DAW1: variants seen among roughly 807,000 people sequenced by gnomAD.
DAW1 encodes the protein dynein assembly factor with WD repeat domains 1.
A neutral mutation model predicts 56.5 loss-of-function variants in DAW1; 47 were observed. That is an observed-to-expected ratio of 0.83 (90% CI 0.66 to 1.06). The LOEUF (loss-of-function observed/expected upper bound fraction) is 1.06, where lower values mean the gene tolerates loss of function less well. Ranked by LOEUF, DAW1 falls within the 50% of genes least tolerant of loss-of-function variation. The pLI, the probability that DAW1 is intolerant of heterozygous loss-of-function variation, is 0.00. For missense variants in DAW1, 505 were observed against 499.3 expected (o/e 1.01, Z -0.11); for synonymous variants, 190 against 179.0 (o/e 1.06, Z -0.49).
At chr2:227,913,402 CTG>C (rs1171303901) in intron 10 of DAW1, among the ~76,000 whole-genome samples, 1 of 152,156 alleles carries the variant, frequency 6.6e-6, no homozygotes, top group East Asian at 1.9e-4. Flanking sequence ...TGACATTATA[CTG>C]TGTGTTTCAT....
intron 8 of DAW1, 77 bp from the exon 9 acceptor site, chr2:227,906,159 G>A (rs1415760684): frequency 9.1e-7 from 1 of 1,103,684 alleles, no homozygotes; most frequent in Non-Finnish European, 1.3e-6. Flanking sequence ...TTACACAGAT[G>A]GGCTTGGCCT....
At position 227,908,611 on chromosome 2, in the gene DAW1, A is replaced by G. The variant is rs139563190; in HGVS notation, c.973+1359A>G. Among the ~76,000 whole-genome samples the G allele has an allele frequency of 6.4e-4, 98 of 152,260 alleles. 1 individual carries two copies. Among genetic ancestry groups the G allele is most frequent in the African/African-American group, 2.1e-3 (88 of 41,530 alleles). On this transcript the variant is annotated intron_variant, in intron 10 of 12. Transcript: ENST00000309931. ...TTCCCTGGCAAGTATTTATGATGCTACTCTATGTCTGCAGCATATTCCTGA... is the reference window on the plus strand; with the variant it reads ...TTCCCTGGCAAGTATTTATGATGCTGCTCTATGTCTGCAGCATATTCCTGA...
At chr2:227,906,527 T>C (rs770569663) in intron 9 of DAW1, among the ~76,000 whole-genome samples, 189 bp downstream of exon 9, 5 of 152,218 alleles carry the variant, frequency 3.3e-5, no homozygotes, top group Non-Finnish European at 5.9e-5. Context: ...TGTGATGTAG[T>C]AAAGCAATTT....
rs185394330 is a variant in DAW1 at position 227,911,427 on chromosome 2, A to G, written c.973+4175A>G. Among the ~76,000 whole-genome samples, 34 of 150,296 alleles carry G rather than the reference A, an allele frequency of 2.3e-4. No homozygotes were observed. In the East Asian group the frequency reaches 3.1e-3, roughly 14 times the overall value. On this transcript the variant is annotated intron_variant, in intron 10 of 12. Transcript: ENST00000309931. ...AGATATTGTGAATTAGGACTTCAAC[A>G]TATGAATTTTAAAAGGACACAATTC...
chr2:227,917,281 G>A (rs1187836908), intron 10 of DAW1, among the ~76,000 whole-genome samples: 1 of 141,564 alleles, frequency 7.1e-6, no homozygotes, highest in Non-Finnish European at 1.5e-5. Flanking sequence ...TTTTTTTTTA[G>A]ATGGAGTCTT....
intron 11 of DAW1, among the ~76,000 whole-genome samples, chr2:227,920,899 G>C (rs148551649): frequency 2.0e-5 from 3 of 152,062 alleles, no homozygotes; most frequent in Non-Finnish European, 4.4e-5. Flanking sequence ...AGGCGGTCTT[G>C]AACTCCTGAC....
At chr2:227,897,212 A>C (rs1344515724) in intron 5 of DAW1, among the ~76,000 whole-genome samples, 2 of 151,846 alleles carry the variant, frequency 1.3e-5, no homozygotes, top group Non-Finnish European at 2.9e-5. Flanking sequence ...TAGGTCAGAC[A>C]CTCTGTTAGG....
At chr2:227,873,189 A>G (rs1016905665) in intron 1 of DAW1, among the ~76,000 whole-genome samples, 1 of 152,162 alleles carries the variant, frequency 6.6e-6, no homozygotes, top group Non-Finnish European at 1.5e-5. Context: ...GTTTCAATCA[A>G]TGTCAACCAC....
chr2:227,877,892 C>A (rs1690917720), intron 1 of DAW1, among the ~76,000 whole-genome samples: 1 of 152,204 alleles, frequency 6.6e-6, no homozygotes, highest in Admixed American at 6.5e-5. Flanking sequence ...TCGGGGGACC[C>A]CTGGCCTAGA....
In DAW1 at chr2:227,918,785, G is replaced by T. The variant is rs1257848643; in HGVS notation, c.979G>T (p.Ala327Ser). 6.2e-7 allele frequency: 1 copy of T among 1,613,878 alleles called. No homozygotes were observed. Among genetic ancestry groups the T allele is most frequent in the African/African-American group, 1.3e-5 (1 of 74,856 alleles). Residue 327 changes from alanine (A) to serine (S), a missense_variant, in exon 11 of 13, where the codon GCA (alanine) becomes TCA (serine). Transcript: ENST00000309931. ...LIATASADGT[A>S]RIFSAATRKC... ...TCCCCACCCCTCTCAAAAAGGAACA[G>T]CAAGAATTTTCAGTGCTGCCACAAG...
chr2:227,919,401 G>A (rs1306131608), intron 11 of DAW1, among the ~76,000 whole-genome samples: 2 of 151,934 alleles, frequency 1.3e-5, no homozygotes, highest in Admixed American at 1.3e-4. Context: ...AACAGCATTC[G>A]CCTCCACTGT....
At chr2:227,920,242 G>T (rs1003193813) in intron 11 of DAW1, among the ~76,000 whole-genome samples, 1 of 152,162 alleles carries the variant, frequency 6.6e-6, no homozygotes, top group African/African-American at 2.4e-5. Context: ...TTGGCATCTG[G>T]TAAGGGCATT....
In DAW1 at chr2:227,924,327, TA is replaced by T. The variant is rs1692175407; in HGVS notation, c.*362del. 1 of 249,682 alleles carries T rather than the reference TA, an allele frequency of 4.0e-6. No individual in the cohort carries two copies. The highest frequency in any genetic ancestry group is 8.8e-5 in the South Asian group (1 of 11,318). 15.5% of individuals were successfully genotyped at this position (249,682 alleles called of 1,614,324 possible). A position where few individuals can be genotyped will look rare whatever the true frequency, so the allele number is the denominator to read the frequency against. On this transcript the variant is annotated 3_prime_UTR_variant, in exon 13 of 13. Transcript: ENST00000309931. Reference sequence around the variant, plus strand: ...GCCTATTGTTATAATTTCTGTTGAATAAAGTGTTTGGAGGAAATTCCTTGTA... The same window carrying T: ...GCCTATTGTTATAATTTCTGTTGAATAAGTGTTTGGAGGAAATTCCTTGTA...
chr2:227,898,202 C>T lies in DAW1; in HGVS notation c.461C>T (p.Ser154Phe). Residue 154 changes from serine to phenylalanine, a missense_variant, in exon 6 of 13, where the codon TCC becomes TTC. By Grantham distance (155) the Ser-to-Phe change is radical (BLOSUM62 -2). Transcript: ENST00000309931. ...CTTAGTGACAAAATCGCCACTGGGT[C>T]CTTTGATAAAACTTGTAAACTCTGG... is the stretch of plus-strand genomic sequence containing the variant. ...NPYGDKIATG[S>F]FDKTCKLWSV... The T allele has an allele frequency of 6.4e-7, 1 of 1,570,614 alleles. No homozygotes were observed. The highest frequency in any genetic ancestry group is 8.7e-7 in the Non-Finnish European group (1 of 1,155,486).
chr2:227,882,111 A>G (rs1334300251), intron 1 of DAW1, among the ~76,000 whole-genome samples: 2 of 152,202 alleles, frequency 1.3e-5, no homozygotes, highest in African/African-American at 4.8e-5. Flanking sequence ...GTGTTTTGGC[A>G]ACATTTCCTA....
In DAW1 at chr2:227,918,803, G is replaced by T. The variant is rs1692034952; in HGVS notation, c.997G>T (p.Ala333Ser). Residue 333 changes from alanine to serine, a missense_variant, in exon 11 of 13, where the codon GCC (alanine) becomes TCC (serine). Coordinates refer to ENST00000309931, the MANE Select transcript of DAW1 (RefSeq NM_178821.3). The part of the protein sequence containing the change: ...ADGTARIFSA[A>S]TRKCIAKLEG... ...AGGAACAGCAAGAATTTTCAGTGCT[G>T]CCACAAGAAAATGCATTGCCAAACT... The T allele has an allele frequency of 1.9e-6, 3 of 1,614,014 alleles. No individual in the cohort carries two copies. In the African/African-American group the frequency reaches 4.0e-5, roughly 22 times the overall value.
At chr2:227,921,316 T>G (rs1363185542) in intron 11 of DAW1, 83 bp from the exon 12 acceptor site, 1 of 718,386 alleles carries the variant, frequency 1.4e-6, no homozygotes, top group Non-Finnish European at 1.9e-6. Context: ...TTTTTTTTTT[T>G]TTTTTTTTTT....
intron 11 of DAW1, 109 bp from the exon 12 acceptor site, chr2:227,921,290 A>G: frequency 1.7e-6 from 2 of 1,161,950 alleles, no homozygotes; most frequent in Non-Finnish European, 2.4e-6. Context: ...GGAAGGTGAC[A>G]TGTGCTGTAA....
chr2:227,888,384 G>T (rs992188139), intron 2 of DAW1, among the ~76,000 whole-genome samples: 1 of 152,208 alleles, frequency 6.6e-6, no homozygotes, highest in Non-Finnish European at 1.5e-5. Context: ...ACAGTCCAGG[G>T]CATGAAGCAG....
Sources: gnomAD v4.1 joint callset for allele counts (sites outside exome capture counted in the v4.1 genomes callset) on GRCh38, gnomAD v4.1.1 for gene constraint, MANE v1.5 for transcripts, NCBI Gene and HGNC (gene_info 2026-07-23, HGNC 2026-07-21) for gene names.